Variants in OCIAD1 observed in about 807,000 individuals in gnomAD.
OCIAD1 encodes OCIA domain-containing protein 1.
Under a neutral mutation model 38.9 loss-of-function variants are expected in OCIAD1, and 29 were observed. That is an observed-to-expected ratio of 0.74 (90% CI 0.55 to 1.02). The LOEUF is 1.02. Among genes scored for constraint, OCIAD1 ranks in the 50% least tolerant of loss-of-function variants. OCIAD1 has a pLI of 0.00. For synonymous variants in OCIAD1, 110 were observed against 92.0 expected (o/e 1.20, Z -1.12); for missense variants, 288 against 289.6 (o/e 0.99, Z 0.04).
chr4:48,836,776 T>C (rs1210431401), intron 3 of OCIAD1, among the ~76,000 whole-genome samples: 1 of 152,176 alleles, frequency 6.6e-6, no homozygotes, highest in African/African-American at 2.4e-5. Context: ...TTGCAGGTAT[T>C]TCAAGCTAGA....
At chr4:48,823,946 A>C (rs1391077449) in intron 1 of OCIAD1, among the ~76,000 whole-genome samples, 1 of 142,156 alleles carries the variant, frequency 7.0e-6, no homozygotes, top group Non-Finnish European at 1.5e-5. Context: ...AGATTACAGG[A>C]GTGAGCCACT....
At chr4:48,816,287 C>CATATA (rs1560407515) in intron 1 of OCIAD1, among the ~76,000 whole-genome samples, 10 of 152,152 alleles carry the variant, frequency 6.6e-5, no homozygotes, top group African/African-American at 2.4e-4. Flanking sequence ...AAACTGGAGG[C>CATATA]GATCAGGACA....
chr4:48,816,841 C>T (rs1200723119), intron 1 of OCIAD1, among the ~76,000 whole-genome samples: 1 of 151,958 alleles, frequency 6.6e-6, no homozygotes, highest in Non-Finnish European at 1.5e-5. Flanking sequence ...CATGGTGGCA[C>T]ACACCTGTGA....
At chr4:48,830,093 C>T (rs1328034294), upstream of OCIAD1, among the ~76,000 whole-genome samples, 3 of 152,198 alleles carry the variant, frequency 2.0e-5, no homozygotes, top group Non-Finnish European at 4.4e-5. Flanking sequence ...GGGCAAAGAC[C>T]TCCAGGCTGT....
At chr4:48,857,110 A>G (rs915966851) in intron 7 of OCIAD1, 103 bp from the exon 8 acceptor site, 2 of 564,246 alleles carry the variant, frequency 3.5e-6, no homozygotes, top group Non-Finnish European at 5.8e-6. Flanking sequence ...TCTTTATTCT[A>G]TTTTGATTGT....
chr4:48,833,144 G>A (rs113768922), intron 2 of OCIAD1, among the ~76,000 whole-genome samples: 1 of 151,960 alleles, frequency 6.6e-6, no homozygotes, highest in East Asian at 1.9e-4. Flanking sequence ...CCAGCTACTC[G>A]GAAGGCTGAG....
At position 48,831,465 on chromosome 4, in the gene OCIAD1, G is replaced by T. The variant is rs139342656; in HGVS notation, c.-6+216G>T. On this transcript the variant is annotated intron_variant, in intron 1 of 8. Transcript: ENST00000264312. Reference sequence around the variant, plus strand: ...TGGGGAAGTTCGTGGTCACGGATGCGTGTGGGGTTGCTGCTCAGTCTGTAA... The same window carrying T: ...TGGGGAAGTTCGTGGTCACGGATGCTTGTGGGGTTGCTGCTCAGTCTGTAA... 100 of 1,287,962 alleles carry T rather than the reference G, an allele frequency of 7.8e-5. 2 individuals carry two copies. The East Asian group carries it at 3.2e-3, about 41-fold the overall frequency. 79.8% of individuals were successfully genotyped at this position (1,287,962 alleles called of 1,614,324 possible).
At chr4:48,829,486 A>G (rs1777318395), upstream of OCIAD1, among the ~76,000 whole-genome samples, 1 of 152,188 alleles carries the variant, frequency 6.6e-6, no homozygotes, top group South Asian at 2.1e-4. Flanking sequence ...ACTGTCATAG[A>G]CCTTTTTAGT....
chr4:48,846,709 C>G (rs1779008547), intron 4 of OCIAD1, among the ~76,000 whole-genome samples: 1 of 150,600 alleles, frequency 6.6e-6, no homozygotes, highest in Non-Finnish European at 1.5e-5. Context: ...GATGGCGCCA[C>G]TGCACTCCAG....
intron 1 of OCIAD1, among the ~76,000 whole-genome samples, chr4:48,814,813 A>G (rs1453398581): frequency 1.3e-5 from 2 of 152,164 alleles, no homozygotes; most frequent in African/African-American, 4.8e-5. Flanking sequence ...GTACTTTATA[A>G]CTTTATATGA....
chr4:48,816,643 A>T (rs1163990541), intron 1 of OCIAD1, among the ~76,000 whole-genome samples: 1 of 152,194 alleles, frequency 6.6e-6, no homozygotes, highest in Non-Finnish European at 1.5e-5. Flanking sequence ...GCTTCTCAAA[A>T]TACAACTTCT....
chr4:48,826,594 A>G (rs1300465828), upstream of OCIAD1, among the ~76,000 whole-genome samples: 1 of 152,204 alleles, frequency 6.6e-6, no homozygotes, highest in African/African-American at 2.4e-5. Flanking sequence ...GAATTAAAAA[A>G]CAAAAACATT....
chr4:48,814,535 G>A (rs1316483171), intron 1 of OCIAD1, among the ~76,000 whole-genome samples: 7 of 152,018 alleles, frequency 4.6e-5, no homozygotes, highest in African/African-American at 1.7e-4. Context: ...CAACAGCATC[G>A]ATTAGAGCTG....
chr4:48,835,418 AT>A (rs1777891057), intron 3 of OCIAD1, among the ~76,000 whole-genome samples: 1 of 152,200 alleles, frequency 6.6e-6, no homozygotes, highest in Non-Finnish European at 1.5e-5. Flanking sequence ...CCAAATTTCA[AT>A]TTGGTAAAAA....
At chr4:48,824,285 ATT>A (rs1363782448) in intron 1 of OCIAD1, among the ~76,000 whole-genome samples, 2 of 152,028 alleles carry the variant, frequency 1.3e-5, no homozygotes, top group Non-Finnish European at 2.9e-5. Flanking sequence ...CCCAGCCTGA[ATT>A]TTTAATAGTT....
intron 3 of OCIAD1, among the ~76,000 whole-genome samples, chr4:48,835,009 C>T (rs1027476805): frequency 2.0e-5 from 3 of 152,214 alleles, no homozygotes; most frequent in South Asian, 2.1e-4. Context: ...TCTCTGCTCA[C>T]GTCAACATCC....
chr4:48,818,682 G>T (rs1424966088), intron 1 of OCIAD1, among the ~76,000 whole-genome samples: 1 of 152,076 alleles, frequency 6.6e-6, no homozygotes, highest in Non-Finnish European at 1.5e-5. Flanking sequence ...CCTTGATAAA[G>T]GTTACAGGAA....
intron 3 of OCIAD1, among the ~76,000 whole-genome samples, chr4:48,839,081 G>C (rs1292212271): frequency 6.6e-6 from 1 of 152,168 alleles, no homozygotes; most frequent in Admixed American, 6.5e-5. Flanking sequence ...ATCAGCTGGA[G>C]TCTATGAATA....
At chr4:48,823,672 A>ATT (rs953782296) in intron 1 of OCIAD1, among the ~76,000 whole-genome samples, 1 of 149,784 alleles carries the variant, frequency 6.7e-6, no homozygotes, top group Non-Finnish European at 1.5e-5. Context: ...TTTATTTTTA[A>ATT]TTTTTTTTTA....
Sources: gnomAD v4.1 joint callset for allele counts (sites outside exome capture counted in the v4.1 genomes callset) on GRCh38, gnomAD v4.1.1 for gene constraint, MANE v1.5 for transcripts, NCBI Gene and HGNC (gene_info 2026-07-23, HGNC 2026-07-21) for gene names.